EPCAM: variants seen among roughly 807,000 people sequenced by gnomAD.
The protein encoded by EPCAM is adenocarcinoma-associated antigen.
Under a neutral mutation model 40.0 loss-of-function variants are expected in EPCAM, and 39 were observed. That is an observed-to-expected ratio of 0.98 (90% CI 0.76 to 1.27). The LOEUF is 1.27. Ranked by LOEUF, EPCAM falls within the 50% of genes most tolerant of loss-of-function variation. The probability of loss-of-function intolerance (pLI) is 0.00; values close to 1 mark genes in which losing one functional copy is unlikely to be tolerated. For missense variants in EPCAM, 503 were observed against 381.2 expected, an observed-to-expected ratio of 1.32 and a Z score of -2.66; for synonymous variants, 168 against 132.3, an observed-to-expected ratio of 1.27 and a Z score of -1.85.
chr2:47,385,395 G>T (rs2103769051), intron 8 of EPCAM, among the ~76,000 whole-genome samples, 185 bp downstream of exon 8: 1 of 152,282 alleles, frequency 6.6e-6, no homozygotes, highest in Non-Finnish European at 1.5e-5. Flanking sequence ...TTCCATGGCA[G>T]ATCACCATCT....
chr2:47,371,930 CT>C (rs1671280596), intron 1 of EPCAM, among the ~76,000 whole-genome samples: 3 of 152,042 alleles, frequency 2.0e-5, no homozygotes, highest in South Asian at 2.1e-4. Context: ...CTAGCTTTTT[CT>C]TTTTTTTCCT....
At chr2:47,384,568 C>T (rs746987721) in intron 7 of EPCAM, among the ~76,000 whole-genome samples, 8 of 151,492 alleles carry the variant, frequency 5.3e-5, no homozygotes, top group Non-Finnish European at 8.8e-5. Context: ...CGACCACCAC[C>T]GCGCCTGGCT....
intron 5 of EPCAM, among the ~76,000 whole-genome samples, chr2:47,378,040 G>T (rs1353920263): frequency 6.6e-6 from 1 of 151,984 alleles, no homozygotes; most frequent in African/African-American, 2.4e-5. Context: ...AGACCATCGT[G>T]GCTAACACAG....
Position 47,373,569 on chromosome 2 carries a change from G to A in EPCAM, c.183G>A (p.Lys61=), listed in dbSNP as rs765162226. 1 of 1,601,326 alleles carries A rather than the reference G, an allele frequency of 6.2e-7. No homozygotes were observed. The highest frequency in any genetic ancestry group is 8.6e-7 in the Non-Finnish European group (1 of 1,168,528). The change falls in exon 2 of 9, where the codon AAG becomes AAA. Residue 61 remains lysine, a splice_region_variant and synonymous_variant. Transcript: ENST00000263735. ...CACAAAATACTGTCATTTGCTCAAAGCGTGAGTAAAATATCCTAATTACCT... is the reference window on the plus strand; with the variant it reads ...CACAAAATACTGTCATTTGCTCAAAACGTGAGTAAAATATCCTAATTACCT... ...VGAQNTVICS[K]LAAKCLVMKA...
rs942413797 is a variant in EPCAM at position 47,374,749 on chromosome 2, C to T, written c.426-485C>T. On this transcript the variant is annotated intron_variant, in intron 3 of 8. Coordinates refer to ENST00000263735, the MANE Select transcript of EPCAM (RefSeq NM_002354.3). ...ACCTCTGCCTCCCGGGTTCAAGCAA[C>T]TCTCCTGCCTTAGCCTCCTGAGTAG... is the stretch of plus-strand genomic sequence containing the variant. Among the ~76,000 whole-genome samples the T allele has an allele frequency of 5.9e-5, 9 of 151,996 alleles. No homozygotes were observed. The South Asian group carries it at 1.2e-3, about 21-fold the overall frequency.
intron 5 of EPCAM, 152 bp from the exon 6 acceptor site, chr2:47,378,801 A>T: frequency 1.7e-6 from 1 of 584,848 alleles, no homozygotes; most frequent in East Asian, 2.9e-5. Flanking sequence ...TTGATTAGTG[A>T]TAAACTTAGT....
rs1200775407 is a variant in EPCAM, at chr2:47,386,580, G to A, written c.912G>A (p.Glu304=). ...MAKYEKAEIK[E]MGEMHRELNA is the part of the protein sequence containing the mutation. ...GCTTTTTCCTGTTTCAGATAAAGGA[G>A]ATGGGTGAGATGCATAGGGAACTCA... The change falls in exon 9 of 9, where the codon GAG becomes GAA. Residue 304 remains glutamate, a synonymous_variant. Coordinates refer to ENST00000263735, the MANE Select transcript of EPCAM (RefSeq NM_002354.3). 6.2e-7 allele frequency: 1 copy of A among 1,605,986 alleles called. No individual in the cohort carries two copies. The highest frequency in any genetic ancestry group is 2.2e-5 in the East Asian group (1 of 44,776).
chr2:47,369,334 G>C lies in EPCAM; in HGVS notation c.-172G>C. ...GCACAGAGCGCTAGTCCTTCGGCGAGCGAGCACCTTCGACGCGGTCCGGGG... is the reference window on the plus strand; with the variant it reads ...GCACAGAGCGCTAGTCCTTCGGCGACCGAGCACCTTCGACGCGGTCCGGGG... On this transcript the variant is annotated 5_prime_UTR_variant, in exon 1 of 9. Transcript: ENST00000263735. 2 of 1,307,018 alleles carry C rather than the reference G, an allele frequency of 1.5e-6. No homozygotes were observed. Among genetic ancestry groups the C allele is most frequent in the Non-Finnish European group, 2.0e-6 (2 of 1,001,310 alleles). The allele number at this position is 1,307,018 out of a possible 1,614,324, so 81.0% of individuals were successfully genotyped here. A position where few individuals can be genotyped will look rare whatever the true frequency, so the allele number is the denominator to read the frequency against.
In EPCAM at chr2:47,379,040, T is replaced by G; in HGVS notation, c.643T>G (p.Tyr215Asp). Residue 215 changes from tyrosine to aspartate, a missense_variant, in exon 6 of 9, where the codon TAT becomes GAT. Coordinates refer to ENST00000263735, the MANE Select transcript of EPCAM (RefSeq NM_002354.3). ...TGTGGACATAGCTGATGTGGCTTAT[T>G]ATTTTGAAAAAGATGTGAGTATCAT... Reference protein sequence around the residue: ...NDVDIADVAYYFEKDVKGESL... With the variant: ...NDVDIADVAYDFEKDVKGESL... The G allele has an allele frequency of 6.3e-7, 1 of 1,577,222 alleles. No individual in the cohort carries two copies. Among genetic ancestry groups the G allele is most frequent in the South Asian group, 1.1e-5 (1 of 90,270 alleles).
At position 47,369,353 on chromosome 2, in the gene EPCAM, T is replaced by C; in HGVS notation, c.-153T>C. 1 of 1,232,188 alleles carries C rather than the reference T, an allele frequency of 8.1e-7. No individual in the cohort carries two copies. The highest frequency in any genetic ancestry group is 1.1e-6 in the Non-Finnish European group (1 of 942,392). The allele number at this position is 1,232,188 out of a possible 1,614,324, so 76.3% of individuals were successfully genotyped here. ...CGGCGAGCGAGCACCTTCGACGCGG[T>C]CCGGGGACCCCCTCGTCGCTGTCCT... is the stretch of plus-strand genomic sequence containing the variant. On this transcript the variant is annotated 5_prime_UTR_variant, in exon 1 of 9. Transcript: ENST00000263735.
chr2:47,378,143 T>A (rs7572133), intron 5 of EPCAM, among the ~76,000 whole-genome samples: 21,354 of 151,652 alleles, frequency 0.14, 2,585 homozygotes, highest in African/African-American at 0.33. Flanking sequence ...GAGGCAGGAG[T>A]ATGGCGTGAA....
At chr2:47,375,689 C>A (rs559736736) in intron 4 of EPCAM, among the ~76,000 whole-genome samples, 4 of 150,160 alleles carry the variant, frequency 2.7e-5, no homozygotes, top group African/African-American at 9.8e-5. Flanking sequence ...CACTATACAA[C>A]GATCAAATTT....
rs771063031 is a variant in EPCAM, at chr2:47,379,872, A to T, written c.761A>T (p.Glu254Val). 6.2e-7 allele frequency: 1 copy of T among 1,614,208 alleles called. No individual in the cohort carries two copies. Among genetic ancestry groups the T allele is most frequent in the East Asian group, 2.2e-5 (1 of 44,878 alleles). ...CAAACTTTAATTTATTATGTTGATG[A>T]AAAAGCACCTGAATTCTCAATGCAG... ...PGQTLIYYVD[E>V]KAPEFSMQGL... Residue 254 changes from glutamate (E) to valine (V), a missense_variant, in exon 7 of 9, where the codon GAA (glutamate) becomes GTA (valine). Glu to Val is a moderately radical substitution (Grantham distance 121, BLOSUM62 -2). Coordinates refer to ENST00000263735, the MANE Select transcript of EPCAM (RefSeq NM_002354.3).
intron 6 of EPCAM, 88 bp downstream of exon 6, chr2:47,379,142 A>T: frequency 1.2e-6 from 1 of 802,512 alleles, no homozygotes; most frequent in Non-Finnish European, 2.2e-6. Flanking sequence ...CTTTTTATCC[A>T]CTTACAGATC....
At chr2:47,385,130 C>G (rs933717201) in intron 7 of EPCAM, 36 bp from the exon 8 acceptor site, 1 of 1,516,360 alleles carries the variant, frequency 6.6e-7, no homozygotes, top group Non-Finnish European at 9.2e-7. Flanking sequence ...TTTTGAATAG[C>G]AGTCCTAAAA....
chr2:47,374,068 C>G lies in EPCAM; in HGVS notation c.425+20C>G, dbSNP rs1320125290. ...AACCTAGTGAGTGGGGCTGCCTATA[C>G]TACTTGTTTTCATGCTGTTCAGATT... On this transcript the variant is annotated intron_variant, in intron 3 of 8. Coordinates refer to ENST00000263735, the MANE Select transcript of EPCAM (RefSeq NM_002354.3). 2 of 1,613,698 alleles carry G rather than the reference C, an allele frequency of 1.2e-6. No homozygotes were observed. Among genetic ancestry groups the G allele is most frequent in the East Asian group, 4.5e-5 (2 of 44,884 alleles).
At chr2:47,386,176 CCTGTAACTAGTTGT>C (rs1671738382) in intron 8 of EPCAM, among the ~76,000 whole-genome samples, 1 of 152,076 alleles carries the variant, frequency 6.6e-6, no homozygotes, top group Non-Finnish European at 1.5e-5. Context: ...TCTCAGTTTG[CCTGTAACTAGTTGT>C]GTGATCTGAG....
intron 5 of EPCAM, among the ~76,000 whole-genome samples, chr2:47,378,242 C>CA (rs945082812): frequency 4.0e-5 from 6 of 149,446 alleles, no homozygotes; most frequent in African/African-American, 1.5e-4. Context: ...AAAAACAAAA[C>CA]AAAAAAACAA....
At chr2:47,370,250 G>C (rs1354922437) in intron 1 of EPCAM, among the ~76,000 whole-genome samples, 2 of 152,122 alleles carry the variant, frequency 1.3e-5, no homozygotes, top group African/African-American at 2.4e-5. Context: ...TAGTAATTAG[G>C]TGTATCTTTC....
Sources: allele counts gnomAD v4.1 joint callset (sites outside exome capture counted in the v4.1 genomes callset), GRCh38; gene constraint gnomAD v4.1.1; transcripts MANE v1.5; gene names NCBI Gene and HGNC (gene_info 2026-07-23, HGNC 2026-07-21).